The following PVT1 variants were observed in gnomAD, a reference collection of about 807,000 sequenced individuals.
The protein encoded by PVT1 is Pvt1 oncogene, also known as CXCR4/PVT1 fusion.
chr8:127,874,118 A>G (rs908284674), intron 2 of PVT1, among the ~76,000 whole-genome samples: 1 of 152,246 alleles, frequency 6.6e-6, no homozygotes, highest in African/African-American at 2.4e-5. Context: ...GAGAAAATAC[A>G]GTCTGCATGC....
At chr8:127,817,034 G>T (rs997699999) in intron 2 of PVT1, among the ~76,000 whole-genome samples, 1 of 144,290 alleles carries the variant, frequency 6.9e-6, no homozygotes, top group South Asian at 2.1e-4. Context: ...GATACAAACA[G>T]TGCTGCTGTG....
intron 2 of PVT1, among the ~76,000 whole-genome samples, chr8:127,817,308 A>C (rs753649015): frequency 7.3e-5 from 11 of 150,050 alleles, no homozygotes; most frequent in Non-Finnish European, 1.2e-4. Context: ...TGAACTTAAC[A>C]TCTGTCTACC....
intron 3 of PVT1, among the ~76,000 whole-genome samples, chr8:127,912,734 T>C (rs1815914378): frequency 6.6e-6 from 1 of 151,752 alleles, no homozygotes; most frequent in African/African-American, 2.4e-5. Context: ...TCTCACTCTG[T>C]CACCCAGGCT....
At chr8:128,074,815 T>TA (rs1814063348) in intron 5 of PVT1, among the ~76,000 whole-genome samples, 2 of 152,236 alleles carry the variant, frequency 1.3e-5, no homozygotes, top group South Asian at 4.1e-4. Flanking sequence ...CCTGGAGCTG[T>TA]GTGCAACCAT....
At chr8:127,874,903 G>GGTGTGTGTGTGTGTGTGT (rs112419227) in intron 2 of PVT1, among the ~76,000 whole-genome samples, 2 of 145,706 alleles carry the variant, frequency 1.4e-5, no homozygotes, top group African/African-American at 5.1e-5. Context: ...TTGGCCTCCA[G>GGTGTGTGTGTGTGTGTGT]GTGTGTGTGT....
chr8:127,963,830 C>A (rs1268262848), intron 3 of PVT1, among the ~76,000 whole-genome samples: 5 of 152,128 alleles, frequency 3.3e-5, no homozygotes, highest in Admixed American at 2.0e-4. Context: ...TCCTGCGTGC[C>A]TTGGGACCTG....
intron 5 of PVT1, among the ~76,000 whole-genome samples, chr8:128,073,137 T>G (rs1217276991): frequency 6.6e-6 from 1 of 152,046 alleles, no homozygotes; most frequent in Non-Finnish European, 1.5e-5. Flanking sequence ...CCGGCCCACC[T>G]GAGCATTTTT....
At chr8:128,026,975 CTT>C (rs1813302995) in intron 4 of PVT1, among the ~76,000 whole-genome samples, 1 of 152,210 alleles carries the variant, frequency 6.6e-6, no homozygotes, top group Non-Finnish European at 1.5e-5. Context: ...CAGCCCCTCT[CTT>C]TGCCTTCCTC....
chr8:128,061,584 C>T (rs996279436), intron 4 of PVT1, among the ~76,000 whole-genome samples: 2 of 152,200 alleles, frequency 1.3e-5, no homozygotes, highest in African/African-American at 4.8e-5. Context: ...CTGCTAAAGT[C>T]TTTTCCAAAG....
chr8:127,926,717 C>T (rs543223103), intron 3 of PVT1, among the ~76,000 whole-genome samples: 99 of 152,322 alleles, frequency 6.5e-4, no homozygotes, highest in Non-Finnish European at 1.1e-3. Flanking sequence ...GATCTGTCCC[C>T]GGGTGCCCAC....
intron 4 of PVT1, among the ~76,000 whole-genome samples, chr8:128,034,825 G>C (rs566514723): frequency 6.6e-6 from 1 of 152,328 alleles, no homozygotes; most frequent in Non-Finnish European, 1.5e-5. Flanking sequence ...GTTCAGGTTT[G>C]AATCCCTGCT....
At chr8:127,929,839 A>G (rs1816182028) in intron 3 of PVT1, among the ~76,000 whole-genome samples, 1 of 152,126 alleles carries the variant, frequency 6.6e-6, no homozygotes, top group Non-Finnish European at 1.5e-5. Context: ...ACTGAAAGAG[A>G]CTAAAGAGAT....
chr8:127,814,989 C>T (rs1480525766), intron 2 of PVT1, among the ~76,000 whole-genome samples: 3 of 151,736 alleles, frequency 2.0e-5, no homozygotes, highest in Non-Finnish European at 4.4e-5. Context: ...TTTTTTGAGA[C>T]AGAATCTTGT....
intron 5 of PVT1, among the ~76,000 whole-genome samples, chr8:128,087,724 C>G (rs1340469432): frequency 6.7e-6 from 1 of 149,036 alleles, no homozygotes; most frequent in African/African-American, 2.5e-5. Context: ...CCCTCTAACT[C>G]TGCTGACATT....
intron 2 of PVT1, among the ~76,000 whole-genome samples, chr8:127,839,822 G>A (rs1814952693): frequency 6.6e-6 from 1 of 152,160 alleles, no homozygotes; most frequent in Non-Finnish European, 1.5e-5. Flanking sequence ...AGTGTTGCCA[G>A]GGCTGGGGAG....
At chr8:127,986,060 C>T (rs1188782230) in intron 3 of PVT1, among the ~76,000 whole-genome samples, 1 of 152,168 alleles carries the variant, frequency 6.6e-6, no homozygotes, top group African/African-American at 2.4e-5. Flanking sequence ...TCCATCTTTC[C>T]AACAGAGACC....
At chr8:127,875,341 GAC>G (rs1235231176) in intron 2 of PVT1, among the ~76,000 whole-genome samples, 15 of 145,398 alleles carry the variant, frequency 1.0e-4, no homozygotes, top group Non-Finnish European at 1.8e-4. Context: ...CTCTGTCTCT[GAC>G]TCTGTCTGTC....
At chr8:127,940,621 G>T (rs1816337684) in intron 3 of PVT1, among the ~76,000 whole-genome samples, 1 of 150,996 alleles carries the variant, frequency 6.6e-6, no homozygotes, top group Non-Finnish European at 1.5e-5. Flanking sequence ...GGGCAGTGTT[G>T]AGACAGAGTC....
intron 4 of PVT1, among the ~76,000 whole-genome samples, chr8:127,995,604 C>G (rs1051257682): frequency 3.3e-5 from 5 of 152,178 alleles, no homozygotes; most frequent in Non-Finnish European, 5.9e-5. Flanking sequence ...AAAGTACTAT[C>G]CTTATAGTAG....
Sources: gnomAD v4.1 joint callset for allele counts (sites outside exome capture counted in the v4.1 genomes callset) on GRCh38, gnomAD v4.1.1 for gene constraint, MANE v1.5 for transcripts, NCBI Gene and HGNC (gene_info 2026-07-23, HGNC 2026-07-21) for gene names.